The following CFAP54 variants were observed in gnomAD, a reference collection of about 807,000 sequenced individuals.
CFAP54 encodes the protein cilia and flagella associated protein 54, also known as cilia- and flagella-associated protein 54.
CFAP54 carries 290 observed loss-of-function variants against 370.4 expected under a neutral mutation model. That is an observed-to-expected ratio of 0.78 (90% CI 0.71 to 0.86). The LOEUF is 0.86. Ranked by LOEUF, CFAP54 falls within the 40% of genes least tolerant of loss-of-function variation. The pLI is 0.00. For missense variants in CFAP54, 3,399 were observed against 3,528.7 expected (o/e 0.96, Z 0.93); for synonymous variants, 1,206 against 1,236.5 (o/e 0.98, Z 0.52).
intron 65 of CFAP54, among the ~76,000 whole-genome samples, 154 bp from the exon 66 acceptor site, chr12:96,828,860 A>T (rs1959157107): frequency 6.6e-6 from 1 of 152,190 alleles, no homozygotes; most frequent in Admixed American, 6.6e-5. Flanking sequence ...TAATTACTTA[A>T]GGGGTTATGA....
At chr12:96,731,653 G>A (rs1957919560) in intron 50 of CFAP54, among the ~76,000 whole-genome samples, 1 of 152,192 alleles carries the variant, frequency 6.6e-6, no homozygotes, top group Middle Eastern at 3.4e-3. Flanking sequence ...TTTTTTTCCT[G>A]TCAGATTGGT....
In CFAP54 at chr12:96,817,783, C is replaced by T; in HGVS notation, c.8966C>T (p.Ala2989Val). Residue 2989 changes from alanine to valine, a missense_variant, in exon 65 of 68, where the codon GCA becomes GTA. By Grantham distance (64) the Ala-to-Val change is moderately conservative (BLOSUM62 0). Transcript: ENST00000524981. ...SLWIPLNRVI[A>V]IHEKLSNLAQ... is the part of the protein sequence containing the mutation. ...ATATTTGTTATTTTCAGGGTTATTG[C>T]AATTCATGAGAAATTATCTAATCTT... The T allele has an allele frequency of 6.8e-7, 1 of 1,470,886 alleles. No homozygotes were observed. Among genetic ancestry groups the T allele is most frequent in the Non-Finnish European group, 9.0e-7 (1 of 1,112,750 alleles). 91.1% of individuals were successfully genotyped at this position (1,470,886 alleles called of 1,614,324 possible). A position where few individuals can be genotyped will look rare whatever the true frequency, so the allele number is the denominator to read the frequency against.
intron 65 of CFAP54, among the ~76,000 whole-genome samples, chr12:96,823,564 C>T (rs1959056296): frequency 1.3e-5 from 2 of 152,132 alleles, no homozygotes; most frequent in African/African-American, 4.8e-5. Flanking sequence ...GGAGATGGCT[C>T]AGGAAGGCTG....
In CFAP54 at chr12:96,837,544, G is replaced by A. The variant is rs117619538; in HGVS notation, c.9171+8456G>A. On this transcript the variant is annotated intron_variant, in intron 66 of 67. Coordinates refer to ENST00000524981, the MANE Select transcript of CFAP54 (RefSeq NM_001306084.2). ...TTTGTCTCCTGTATAAGTGCAGGTT[G>A]GGTCTTATACAATAAGATTGAGTCT... Among the ~76,000 whole-genome samples the A allele has an allele frequency of 9.7e-3, 1,470 of 152,284 alleles. 13 individuals carry two copies. The highest frequency in any genetic ancestry group is 0.016 in the Non-Finnish European group (1,061 of 68,018).
At chr12:96,811,638 A>G (rs1346331136) in intron 63 of CFAP54, 98 bp from the exon 64 acceptor site, 3 of 623,456 alleles carry the variant, frequency 4.8e-6, no homozygotes, top group Non-Finnish European at 7.7e-6. Flanking sequence ...AATACTTTTC[A>G]AAGTACAGTG....
rs1956489271 is a variant in CFAP54 at position 96,621,576 on chromosome 12, A to G, written c.3640-14A>G. On this transcript the variant is annotated splice_polypyrimidine_tract_variant and intron_variant, in intron 26 of 67. Transcript: ENST00000524981. The stretch of plus-strand genomic sequence containing the variant: ...AATGTCCAACAGAGATAATTAATAA[A>G]TATTTTAAATTAGATTCTTCGTTCA... The G allele has an allele frequency of 3.5e-6, 5 of 1,424,290 alleles. No homozygotes were observed. Among genetic ancestry groups the G allele is most frequent in the Non-Finnish European group, 4.7e-6 (5 of 1,070,798 alleles). 88.2% of individuals were successfully genotyped at this position (1,424,290 alleles called of 1,614,324 possible). A position where few individuals can be genotyped will look rare whatever the true frequency, so the allele number is the denominator to read the frequency against.
rs529796756 is a variant in CFAP54, at chr12:96,548,303, C to T, written c.2154+325C>T. Among the ~76,000 whole-genome samples, 11 of 152,214 alleles carry T rather than the reference C, an allele frequency of 7.2e-5. 1 individual carries two copies. The highest frequency in any genetic ancestry group is 2.6e-4 in the African/African-American group (11 of 41,518). ...CCCCTACCTAGGAGTAACTCCTATC[C>T]TAAATAATAATGTCTTCAAGATATT... On this transcript the variant is annotated intron_variant, in intron 15 of 67. Coordinates refer to ENST00000524981, the MANE Select transcript of CFAP54 (RefSeq NM_001306084.2).
chr12:96,608,361 A>AT (rs1235126437), intron 26 of CFAP54, among the ~76,000 whole-genome samples: 1 of 150,498 alleles, frequency 6.6e-6, no homozygotes, highest in Non-Finnish European at 1.5e-5. Context: ...ATATAAAATT[A>AT]TTTTTTGATA....
intron 14 of CFAP54, among the ~76,000 whole-genome samples, chr12:96,545,383 A>G (rs1054558736): frequency 2.0e-5 from 3 of 152,152 alleles, no homozygotes. Flanking sequence ...GTACCCCAGA[A>G]CTTAAAGTAT....
rs376374642 is a variant in CFAP54, at chr12:96,743,984, A to G, written c.7558-36A>G. On this transcript the variant is annotated intron_variant, in intron 54 of 67. Coordinates refer to ENST00000524981, the MANE Select transcript of CFAP54 (RefSeq NM_001306084.2). ...TTTCCTCCTATTCCAAACCACGTCA[A>G]CTAATTGCTCATTACAATATTTGTT... The G allele has an allele frequency of 1.9e-6, 3 of 1,603,356 alleles. No individual in the cohort carries two copies. In the African/African-American group the frequency reaches 4.0e-5, roughly 22 times the overall value.
rs574045884 is a variant in CFAP54, at chr12:96,671,457, G to C, written c.5563+7525G>C. On this transcript the variant is annotated intron_variant, in intron 39 of 67. Coordinates refer to ENST00000524981, the MANE Select transcript of CFAP54 (RefSeq NM_001306084.2). ...ATAAAACGTAAGCTTTATGAGGGCA[G>C]GGATTATTGTTTTGTTCACAGATAT... is the stretch of plus-strand genomic sequence containing the variant. 6.6e-5 allele frequency among the ~76,000 whole-genome samples: 10 copies of C among 152,280 alleles called. No homozygotes were observed. In the East Asian group the frequency reaches 1.7e-3, roughly 26 times the overall value.
At chr12:96,767,660 A>C (rs1958414313) in intron 60 of CFAP54, among the ~76,000 whole-genome samples, 1 of 152,154 alleles carries the variant, frequency 6.6e-6, no homozygotes, top group African/African-American at 2.4e-5. Flanking sequence ...GGTTAGAAGG[A>C]GGTTCTGAAT....
chr12:96,494,112 T>C (rs1954920610), intron 1 of CFAP54, among the ~76,000 whole-genome samples: 1 of 152,004 alleles, frequency 6.6e-6, no homozygotes, highest in Admixed American at 6.5e-5. Context: ...TGCAGGAAGA[T>C]CCTTGGCAGA....
intron 50 of CFAP54, among the ~76,000 whole-genome samples, chr12:96,729,693 A>T (rs1251956243): frequency 6.6e-6 from 1 of 152,092 alleles, no homozygotes; most frequent in Non-Finnish European, 1.5e-5. Context: ...CGCTGCACCC[A>T]CTGTCCTGCG....
chr12:96,865,342 A>G (rs1959975701), intron 67 of CFAP54, among the ~76,000 whole-genome samples: 1 of 152,208 alleles, frequency 6.6e-6, no homozygotes, highest in African/African-American at 2.4e-5. Flanking sequence ...TCATCTCAAA[A>G]GCAGGTTTAG....
chr12:96,707,263 A>AT (rs35124690), intron 47 of CFAP54, among the ~76,000 whole-genome samples: 51,177 of 150,940 alleles, frequency 0.34, 9,344 homozygotes, highest in Middle Eastern at 0.41. Context: ...TTTAACTTGA[A>AT]TTTTTTTTTT....
intron 60 of CFAP54, among the ~76,000 whole-genome samples, chr12:96,773,577 A>AT (rs1958485144): frequency 6.6e-6 from 1 of 152,218 alleles, no homozygotes; most frequent in Non-Finnish European, 1.5e-5. Flanking sequence ...ACATTGACAT[A>AT]TTTTTCCCTT....
chr12:96,792,205 G>A (rs1263014254), intron 62 of CFAP54, 124 bp from the exon 63 acceptor site: 5 of 824,564 alleles, frequency 6.1e-6, no homozygotes, highest in Non-Finnish European at 9.0e-6. Flanking sequence ...TTAGTTTTAA[G>A]ATTTACCTCC....
At chr12:96,593,082 G>A (rs1031765344) in intron 24 of CFAP54, among the ~76,000 whole-genome samples, 1 of 151,882 alleles carries the variant, frequency 6.6e-6, no homozygotes, top group African/African-American at 2.4e-5. Flanking sequence ...AATCTATCTT[G>A]CACATATTTT....
Sources: allele counts gnomAD v4.1 joint callset (sites outside exome capture counted in the v4.1 genomes callset), GRCh38; gene constraint gnomAD v4.1.1; transcripts MANE v1.5; gene names NCBI Gene and HGNC (gene_info 2026-07-23, HGNC 2026-07-21).